The following GFM1 variants were observed in gnomAD, a reference collection of about 807,000 sequenced individuals.
GFM1 encodes elongation factor G, mitochondrial.
A neutral mutation model predicts 96.2 loss-of-function variants in GFM1; 62 were observed. That is an observed-to-expected ratio of 0.64 (90% confidence interval 0.53 to 0.80). GFM1 has a LOEUF of 0.80. Ranked by LOEUF, GFM1 falls within the 30% of genes least tolerant of loss-of-function variation. GFM1 has a pLI of 0.00. For synonymous variants in GFM1, 282 were observed against 312.9 expected (o/e 0.90, Z 1.04); for missense variants, 852 against 916.6 (o/e 0.93, Z 0.91).
chr3:158,684,766 C>G, intron 15 of GFM1, 98 bp downstream of exon 15: 1 of 1,244,922 alleles, frequency 8.0e-7, no homozygotes, highest in Non-Finnish European at 1.2e-6. Flanking sequence ...ACCCAGAGCA[C>G]TAGGCTCCAC....
At chr3:158,645,431 G>T (rs7618421) in intron 1 of GFM1, among the ~76,000 whole-genome samples, 198 bp from the exon 2 acceptor site, 1 of 152,008 alleles carries the variant, frequency 6.6e-6, no homozygotes, top group Admixed American at 6.6e-5. Flanking sequence ...AAAAGAATAC[G>T]TCTTTACTGT....
chr3:158,680,350 T>A (rs1725270285), intron 13 of GFM1, among the ~76,000 whole-genome samples: 1 of 152,196 alleles, frequency 6.6e-6, no homozygotes, highest in African/African-American at 2.4e-5. Context: ...ACAGATGTTT[T>A]GCCAAAATGA....
At chr3:158,644,867 C>T (rs1393995074) in intron 1 of GFM1, 152 bp downstream of exon 1, 21 of 697,442 alleles carry the variant, frequency 3.0e-5, no homozygotes, top group Admixed American at 1.7e-4. Flanking sequence ...CACCTCGGTG[C>T]CTGCACATTA....
rs115195768 is a variant in GFM1, at chr3:158,678,856, A to G, written c.1602-3139A>G. Reference sequence around the variant, plus strand: ...AAGGGAAAGTCAATCGATGTGGCCAACTTCATTGTTGTCTTAAGAAATTGT... The same window carrying G: ...AAGGGAAAGTCAATCGATGTGGCCAGCTTCATTGTTGTCTTAAGAAATTGT... On this transcript the variant is annotated intron_variant, in intron 13 of 17. Transcript: ENST00000486715. 5.0e-3 allele frequency among the ~76,000 whole-genome samples: 768 copies of G among 152,344 alleles called. 12 individuals are homozygous for G. Among genetic ancestry groups the G allele is most frequent in the African/African-American group, 0.018 (740 of 41,568 alleles).
In GFM1 at chr3:158,672,505, T is replaced by C. The variant is rs1050813194; in HGVS notation, c.1601+6119T>C. On this transcript the variant is annotated intron_variant, in intron 13 of 17. Coordinates refer to ENST00000486715, the MANE Select transcript of GFM1 (RefSeq NM_024996.7). ...CCGGATGAGCAGTGACTTCAGGGCT[T>C]GGGCTACTCTGGCTTAACGGGACCA... is the stretch of plus-strand genomic sequence containing the variant. 1.2e-5 allele frequency: 19 copies of C among 1,612,684 alleles called. No homozygotes were observed. The Admixed American group carries it at 2.5e-4, about 21-fold the overall frequency.
chr3:158,666,956 A>G lies in GFM1; in HGVS notation c.1601+570A>G. On this transcript the variant is annotated intron_variant, in intron 13 of 17. Transcript: ENST00000486715. ...AAAATTAATAAAGCATACTGTGGCT[A>G]TACAAGGAGTCTCAGTTTTCAGAAT... 2 of 1,562,314 alleles carry G rather than the reference A, an allele frequency of 1.3e-6. 1 individual carries two copies. The highest frequency in any genetic ancestry group is 2.4e-5 in the South Asian group (2 of 82,824).
At chr3:158,666,523 C>G (rs1723698087) in intron 13 of GFM1, 137 bp downstream of exon 13, 1 of 1,157,410 alleles carries the variant, frequency 8.6e-7, no homozygotes, top group Admixed American at 1.9e-5. Flanking sequence ...AAGTTCTATA[C>G]TGTAATCAAG....
In GFM1 at chr3:158,690,296, T is replaced by G; in HGVS notation, c.2043T>G (p.Val681=). The part of the protein sequence containing the change: ...RHGVITGQDG[V]EDYFTLYADV... The stretch of plus-strand genomic sequence containing the variant: ...GGGTAATCACTGGGCAAGATGGAGT[T>G]GAGGACTATTTTACACTGTATGCAG... The change falls in exon 16 of 18, where the codon GTT becomes GTG. Residue 681 remains valine (V), a synonymous_variant. Coordinates refer to ENST00000486715, the MANE Select transcript of GFM1 (RefSeq NM_024996.7). 6.2e-7 allele frequency: 1 copy of G among 1,614,074 alleles called. No individual in the cohort carries two copies. Among genetic ancestry groups the G allele is most frequent in the Non-Finnish European group, 8.5e-7 (1 of 1,179,914 alleles).
chr3:158,654,452 G>GGGAT, intron 7 of GFM1, 95 bp from the exon 8 acceptor site: 5 of 772,020 alleles, frequency 6.5e-6, no homozygotes, highest in Non-Finnish European at 1.1e-5. Flanking sequence ...CCACACACGT[G>GGGAT]CTTTTTCTCA....
rs141146379 is a variant in GFM1, at chr3:158,684,681, C to A, written c.1909+13C>A. 6.2e-7 allele frequency: 1 copy of A among 1,613,576 alleles called. No homozygotes were observed. Among genetic ancestry groups the A allele is most frequent in the South Asian group, 1.1e-5 (1 of 91,062 alleles). On this transcript the variant is annotated intron_variant, in intron 15 of 17. Transcript: ENST00000486715. ...GCTCTTAAACAAGGTATGCTGGGTC[C>A]GGGCACCTTAGCCTGTCTGTTTTCC...
rs116213540 is a variant in GFM1, at chr3:158,694,097, G to A, written c.*2630G>A. 3.2e-3 allele frequency among the ~76,000 whole-genome samples: 485 copies of A among 151,954 alleles called. 2 individuals are homozygous for A. Among genetic ancestry groups the A allele is most frequent in the Non-Finnish European group, 5.0e-3 (338 of 67,966 alleles). On this transcript the variant is annotated 3_prime_UTR_variant, in exon 18 of 18. Coordinates refer to ENST00000486715, the MANE Select transcript of GFM1 (RefSeq NM_024996.7). ...ACCATTACTATATACCCAAAGGAAC[G>A]TAAATCATTCTATTATAAAGACACA...
At chr3:158,652,401 T>C (rs182221029) in intron 6 of GFM1, among the ~76,000 whole-genome samples, 155 bp downstream of exon 6, 370 of 152,360 alleles carry the variant, frequency 2.4e-3, no homozygotes, top group African/African-American at 8.7e-3. Context: ...ATACTTGACA[T>C]GGTATACTTT....
Position 158,665,481 on chromosome 3 carries a change from A to C in GFM1, c.1518+7A>C. On this transcript the variant is annotated splice_region_variant and intron_variant, in intron 12 of 17. Coordinates refer to ENST00000486715, the MANE Select transcript of GFM1 (RefSeq NM_024996.7). ...CCTGGAAATCTATGCTCAGGTAATG[A>C]ATAATAAGGAAGTTAAGTTGAAATC... 6.2e-7 allele frequency: 1 copy of C among 1,604,660 alleles called. No homozygotes were observed. The highest frequency in any genetic ancestry group is 8.5e-7 in the Non-Finnish European group (1 of 1,172,136).
chr3:158,666,777 A>T (rs1560136184), intron 13 of GFM1: 1 of 1,583,446 alleles, frequency 6.3e-7, no homozygotes, highest in East Asian at 2.2e-5. Context: ...CCATGATAAA[A>T]TTCAGAAAAC....
At chr3:158,689,987 A>G (rs1726173548) in intron 15 of GFM1, among the ~76,000 whole-genome samples, 176 bp from the exon 16 acceptor site, 1 of 152,198 alleles carries the variant, frequency 6.6e-6, no homozygotes, top group Admixed American at 6.5e-5. Context: ...TGGAATTTCC[A>G]TTTAGAAGAG....
rs530723881 is a variant in GFM1 at position 158,675,147 on chromosome 3, C to T, written c.1602-6848C>T. Among the ~76,000 whole-genome samples the T allele has an allele frequency of 3.8e-3, 580 of 151,726 alleles. 1 individual carries two copies. The highest frequency in any genetic ancestry group is 0.013 in the African/African-American group (544 of 41,318). On this transcript the variant is annotated intron_variant, in intron 13 of 17. Transcript: ENST00000486715. ...ACTTAAAATACAAAAATTAGCCGGG[C>T]GTGGCGGCGGGCGCCTGTAATCCCA...
In GFM1 at chr3:158,645,882, G is replaced by A. The variant is rs549387990; in HGVS notation, c.234+101G>A. The A allele has an allele frequency of 8.0e-6, 9 of 1,126,060 alleles. No homozygotes were observed. In the African/African-American group the frequency reaches 1.4e-4, roughly 17 times the overall value. The allele number at this position is 1,126,060 out of a possible 1,614,324, so 69.8% of individuals were successfully genotyped here. ...TATAAACCTGAAAGATTAAAACAAT[G>A]GTAACAGCGGACTTTTGACAGTTAG... On this transcript the variant is annotated intron_variant, in intron 2 of 17. Coordinates refer to ENST00000486715, the MANE Select transcript of GFM1 (RefSeq NM_024996.7).
In GFM1 at chr3:158,694,491, A is replaced by G. The variant is rs1444393138; in HGVS notation, c.*3024A>G. On this transcript the variant is annotated 3_prime_UTR_variant, in exon 18 of 18. Coordinates refer to ENST00000486715, the MANE Select transcript of GFM1 (RefSeq NM_024996.7). ...AAATAACTAATGGGTACTAGGCTTA[A>G]TACCTTGATGATGAAATAATCTGTA... 6.6e-6 allele frequency among the ~76,000 whole-genome samples: 1 copy of G among 152,168 alleles called. No homozygotes were observed. The highest frequency in any genetic ancestry group is 2.4e-5 in the African/African-American group (1 of 41,446).
At position 158,690,233 on chromosome 3, in the gene GFM1, T is replaced by A. The variant is rs764587281; in HGVS notation, c.1980T>A (p.Phe660Leu). Residue 660 changes from phenylalanine (F) to leucine (L), a missense_variant, in exon 16 of 18, where the codon TTT becomes TTA. Physicochemically the swap from Phe to Leu is conservative, Grantham distance 22. Coordinates refer to ENST00000486715, the MANE Select transcript of GFM1 (RefSeq NM_024996.7). The part of the protein sequence containing the change: ...MAVEVVAPNE[F>L]QGQVIAGINR... ...TGGAAGTTGTAGCTCCAAATGAATT[T>A]CAGGGACAAGTAATTGCAGGAATTA... is the stretch of plus-strand genomic sequence containing the variant. 6 of 1,613,778 alleles carry A rather than the reference T, an allele frequency of 3.7e-6. No individual in the cohort carries two copies. Among genetic ancestry groups the A allele is most frequent in the Non-Finnish European group, 5.1e-6 (6 of 1,179,808 alleles).
Sources: gnomAD v4.1 joint callset for allele counts (sites outside exome capture counted in the v4.1 genomes callset) on GRCh38, gnomAD v4.1.1 for gene constraint, MANE v1.5 for transcripts, NCBI Gene and HGNC (gene_info 2026-07-23, HGNC 2026-07-21) for gene names.